UNC13C: variants seen among roughly 807,000 people sequenced by gnomAD.
UNC13C encodes unc-13 homolog C.
Under a neutral mutation model 245.4 loss-of-function variants are expected in UNC13C, and 174 were observed. The ratio of observed to expected loss-of-function variants is 0.71; its 90% CI spans 0.63 to 0.80. The LOEUF (loss-of-function observed/expected upper bound fraction) is 0.80, where lower values mean the gene tolerates loss of function less well. UNC13C is among the 30% of genes least tolerant of loss of function. The probability of loss-of-function intolerance (pLI) is 0.00; values close to 1 mark genes in which losing one functional copy is unlikely to be tolerated. For synonymous variants in UNC13C, 992 were observed against 895.1 expected (o/e 1.11, Z -1.93); for missense variants, 2,829 against 2,602.9 (o/e 1.09, Z -1.89).
rs567039069 is a variant in UNC13C at position 54,012,847 on chromosome 15, TC to T, written c.-56del. 4 of 1,360,604 alleles carry T rather than the reference TC, an allele frequency of 2.9e-6. No homozygotes were observed. The highest frequency in any genetic ancestry group is 4.0e-6 in the Non-Finnish European group (4 of 990,374). The allele number at this position is 1,360,604 out of a possible 1,614,324, so 84.3% of individuals were successfully genotyped here. A position where few individuals can be genotyped will look rare whatever the true frequency, so the allele number is the denominator to read the frequency against. On this transcript the variant is annotated 5_prime_UTR_variant, in exon 2 of 33. The change creates a premature stop within an existing upstream ORF in the 5' untranslated region. Transcript: ENST00000260323. The stretch of plus-strand genomic sequence containing the variant: ...ATGCTTGCCTTGGATTTTCAGGTTT[TC>T]ATCCTGATACTTGTTTACTTTTCTG...
At chr15:54,179,235 A>C (rs1012698845) in intron 4 of UNC13C, among the ~76,000 whole-genome samples, 1 of 152,154 alleles carries the variant, frequency 6.6e-6, no homozygotes, top group African/African-American at 2.4e-5. Flanking sequence ...TGATATGCAC[A>C]TACAATAAAA....
At chr15:54,233,010 T>A (rs2035594283) in intron 4 of UNC13C, among the ~76,000 whole-genome samples, 1 of 152,158 alleles carries the variant, frequency 6.6e-6, no homozygotes, top group Non-Finnish European at 1.5e-5. Context: ...GATGGAGTAG[T>A]GCTGTGTATT....
intron 19 of UNC13C, among the ~76,000 whole-genome samples, chr15:54,415,944 A>T (rs1406810944): frequency 6.6e-6 from 1 of 152,206 alleles, no homozygotes; most frequent in Non-Finnish European, 1.5e-5. Context: ...TAACTTTGAT[A>T]AAGACCTAAA....
chr15:54,449,370 T>G (rs1010604992), intron 19 of UNC13C, among the ~76,000 whole-genome samples: 19 of 152,204 alleles, frequency 1.2e-4, no homozygotes, highest in African/African-American at 4.1e-4. Flanking sequence ...TGCACAGTGT[T>G]TTCCAACTTG....
chr15:54,596,773 T>G (rs985953663), intron 30 of UNC13C, among the ~76,000 whole-genome samples: 5 of 152,132 alleles, frequency 3.3e-5, no homozygotes, highest in African/African-American at 1.2e-4. Context: ...TCAGAGCTGG[T>G]TAAGAGCATG....
At chr15:54,087,703 C>T (rs1373391773) in intron 2 of UNC13C, among the ~76,000 whole-genome samples, 4 of 152,072 alleles carry the variant, frequency 2.6e-5, no homozygotes, top group Non-Finnish European at 5.9e-5. Context: ...TAGGCAGAGC[C>T]TTGTCTATGA....
chr15:54,601,263 G>A (rs544200222), intron 30 of UNC13C, among the ~76,000 whole-genome samples: 15 of 152,320 alleles, frequency 9.8e-5, no homozygotes, highest in South Asian at 4.1e-4. Context: ...TTGGGATGCC[G>A]CAGGGAATCC....
chr15:54,061,350 C>T (rs1016964681), intron 2 of UNC13C, among the ~76,000 whole-genome samples: 20 of 151,942 alleles, frequency 1.3e-4, no homozygotes, highest in Admixed American at 2.0e-4. Context: ...ATTTAGGTGG[C>T]TGGAAGAAAA....
At chr15:54,267,580 TCTGA>T (rs1246232087) in intron 10 of UNC13C, among the ~76,000 whole-genome samples, 26 of 152,226 alleles carry the variant, frequency 1.7e-4, no homozygotes, top group East Asian at 7.7e-4. Flanking sequence ...ATCATATGAT[TCTGA>T]CTGTCATTTT....
chr15:54,132,074 C>CTTTTTTTTTCTTTTTCTTTTTCTTTTT (rs6145565), intron 2 of UNC13C, among the ~76,000 whole-genome samples: 18,502 of 109,636 alleles, frequency 0.17, 1,859 homozygotes, highest in South Asian at 0.26. Flanking sequence ...TTTTCTTTTT[C>CTTTTTTTTTCTTTTTCTTTTTCTTTTT]TTTTTTTTTT....
chr15:54,319,608 A>G (rs987848351), intron 13 of UNC13C, among the ~76,000 whole-genome samples: 2 of 151,966 alleles, frequency 1.3e-5, no homozygotes, highest in African/African-American at 4.8e-5. Context: ...AGTAGGTAGC[A>G]AGGTGCCTGG....
chr15:53,924,079 C>T, the UNC13C span, among the ~76,000 whole-genome samples: 2 of 151,138 alleles, frequency 1.3e-5, no homozygotes, highest in South Asian at 4.2e-4. Context: ...TAGTGGTGGG[C>T]GCCTGTAATC....
intron 2 of UNC13C, among the ~76,000 whole-genome samples, chr15:54,082,993 A>G (rs1313894882): frequency 6.6e-6 from 1 of 152,142 alleles, no homozygotes; most frequent in Non-Finnish European, 1.5e-5. Context: ...GTGTACTAGC[A>G]GTAAGACCCT....
the UNC13C span, among the ~76,000 whole-genome samples, chr15:53,880,438 A>C: frequency 6.6e-6 from 1 of 152,194 alleles, no homozygotes; most frequent in African/African-American, 2.4e-5. Flanking sequence ...TAGCTCAATA[A>C]TGTCCGAACT....
At chr15:54,154,662 A>G (rs978899222) in intron 4 of UNC13C, among the ~76,000 whole-genome samples, 2 of 152,196 alleles carry the variant, frequency 1.3e-5, no homozygotes, top group African/African-American at 4.8e-5. Flanking sequence ...TATGAGGAGG[A>G]GGGTGCACTT....
chr15:54,194,292 T>C (rs2034282980), intron 4 of UNC13C, among the ~76,000 whole-genome samples: 1 of 152,108 alleles, frequency 6.6e-6, no homozygotes, highest in African/African-American at 2.4e-5. Flanking sequence ...TTTATCAATA[T>C]CTCTTGTTTT....
chr15:54,338,700 G>A (rs1596247241), intron 17 of UNC13C, among the ~76,000 whole-genome samples: 1 of 152,012 alleles, frequency 6.6e-6, no homozygotes, highest in East Asian at 1.9e-4. Flanking sequence ...TCTAGTAAAG[G>A]CACATATTAT....
intron 2 of UNC13C, among the ~76,000 whole-genome samples, chr15:54,095,258 C>A (rs1370648062): frequency 6.6e-6 from 1 of 152,150 alleles, no homozygotes; most frequent in Non-Finnish European, 1.5e-5. Context: ...TGTATCAGTC[C>A]ATTTCATGAC....
the UNC13C span, among the ~76,000 whole-genome samples, chr15:53,862,178 T>C: frequency 6.6e-6 from 1 of 152,102 alleles, no homozygotes; most frequent in South Asian, 2.1e-4. Context: ...TCTTGCTATG[T>C]GCTCATTTTC....
Sources: allele counts gnomAD v4.1 joint callset (sites outside exome capture counted in the v4.1 genomes callset), GRCh38; gene constraint gnomAD v4.1.1; transcripts MANE v1.5; gene names NCBI Gene and HGNC (gene_info 2026-07-23, HGNC 2026-07-21).